The following FAM135B variants were observed in gnomAD, a reference collection of about 807,000 sequenced individuals.
FAM135B encodes protein FAM135B.
Under a neutral mutation model 127.7 loss-of-function variants are expected in FAM135B, and 43 were observed. That is an observed-to-expected ratio of 0.34 (90% CI 0.26 to 0.43). The LOEUF is 0.43. Ranked by LOEUF, FAM135B falls within the 20% of genes least tolerant of loss-of-function variation. The probability of loss-of-function intolerance (pLI) is 1.00; values close to 1 mark genes in which losing one functional copy is unlikely to be tolerated. For synonymous variants in FAM135B, 670 were observed against 665.1 expected, an observed-to-expected ratio of 1.01 and a Z score of -0.11; for missense variants, 1,558 against 1,725.6, an observed-to-expected ratio of 0.90 and a Z score of 1.72.
chr8:138,412,836 C>G (rs769375690), intron 1 of FAM135B, among the ~76,000 whole-genome samples: 39 of 152,292 alleles, frequency 2.6e-4, no homozygotes, highest in Non-Finnish European at 5.1e-4. Flanking sequence ...AGCCACCTGG[C>G]AACACTTGCA....
chr8:138,464,106 T>C (rs1837267456), intron 1 of FAM135B, among the ~76,000 whole-genome samples: 1 of 152,140 alleles, frequency 6.6e-6, no homozygotes, highest in Non-Finnish European at 1.5e-5. Context: ...GAGCCATGCA[T>C]CAGGCACTGC....
chr8:138,274,096 A>T (rs1321862721), intron 3 of FAM135B, among the ~76,000 whole-genome samples: 2 of 152,188 alleles, frequency 1.3e-5, no homozygotes, highest in South Asian at 2.1e-4. Flanking sequence ...TGTCTTACCC[A>T]TACTAGTGAA....
Position 138,153,143 on chromosome 8 carries a change from C to T in FAM135B, c.1332G>A (p.Lys444=), listed in dbSNP as rs2130792684. The stretch of plus-strand genomic sequence containing the variant: ...TGCTATTTACCATACAGTTATCTTC[C>T]TTGTCTTTCAGATTCATTATTGTAG... ...TSPTIMNLKD[K]EDNCMVNSNL... Residue 444 remains lysine (K), a synonymous_variant, in exon 13 of 20, where the codon AAG becomes AAA. Coordinates refer to ENST00000395297, the MANE Select transcript of FAM135B (RefSeq NM_015912.4). 6.2e-7 allele frequency: 1 copy of T among 1,611,314 alleles called. No homozygotes were observed. Among genetic ancestry groups the T allele is most frequent in the Non-Finnish European group, 8.5e-7 (1 of 1,177,864 alleles).
rs1195319594 is a variant in FAM135B at position 138,336,740 on chromosome 8, C to T, written c.78-25820G>A. Among the ~76,000 whole-genome samples, 6 of 152,280 alleles carry T rather than the reference C, an allele frequency of 3.9e-5. No individual in the cohort carries two copies. In the East Asian group the frequency reaches 9.6e-4, roughly 24 times the overall value. ...ACAATTAATAGAAAAAGAGGGAATC[C>T]TCCCTAACTCATTTTATGAGGCCAG... On this transcript the variant is annotated intron_variant, in intron 2 of 19. Transcript: ENST00000395297.
intron 3 of FAM135B, among the ~76,000 whole-genome samples, chr8:138,280,279 A>G (rs1824161835): frequency 6.6e-6 from 1 of 152,242 alleles, no homozygotes; most frequent in Non-Finnish European, 1.5e-5. Context: ...GCCAAGGCTT[A>G]GCCCGTTGGC....
intron 1 of FAM135B, among the ~76,000 whole-genome samples, chr8:138,419,314 C>T (rs531337021): frequency 6.6e-6 from 1 of 152,230 alleles, no homozygotes; most frequent in African/African-American, 2.4e-5. Context: ...CTTAACTATA[C>T]TAAATACATA....
At chr8:138,189,852 C>A (rs4579575) in intron 9 of FAM135B, among the ~76,000 whole-genome samples, 30,447 of 152,154 alleles carry the variant, frequency 0.2, 3,284 homozygotes, top group Admixed American at 0.3. Flanking sequence ...TAAGATAAGT[C>A]AGCAACAACA....
At chr8:138,308,562 G>T (rs541895264) in intron 3 of FAM135B, among the ~76,000 whole-genome samples, 1 of 152,234 alleles carries the variant, frequency 6.6e-6, no homozygotes, top group Admixed American at 6.5e-5. Flanking sequence ...GTGTGCTACT[G>T]TAAAGCTCAA....
intron 1 of FAM135B, among the ~76,000 whole-genome samples, chr8:138,416,950 A>G (rs1834195782): frequency 6.6e-6 from 1 of 152,156 alleles, no homozygotes; most frequent in Non-Finnish European, 1.5e-5. Context: ...CAGTCTCATC[A>G]TGGACCTCCA....
intron 12 of FAM135B, among the ~76,000 whole-genome samples, chr8:138,155,588 G>A (rs1459890827): frequency 6.6e-6 from 1 of 152,052 alleles, no homozygotes; most frequent in African/African-American, 2.4e-5. Context: ...TCAAAATAAA[G>A]GGATGGAGGA....
chr8:138,283,129 G>A (rs1489266141), intron 3 of FAM135B, among the ~76,000 whole-genome samples: 1 of 152,000 alleles, frequency 6.6e-6, no homozygotes, highest in East Asian at 1.9e-4. Context: ...TCACTCTCTT[G>A]ACCTCGTGAC....
At chr8:138,428,123 G>A (rs10101262) in intron 1 of FAM135B, among the ~76,000 whole-genome samples, 89,531 of 152,024 alleles carry the variant, frequency 0.59, 27,261 homozygotes, top group African/African-American at 0.73. Flanking sequence ...TCATCCCCTG[G>A]AATAGTACTG....
chr8:138,454,160 TAAAAAA>T (rs879661469), intron 1 of FAM135B, among the ~76,000 whole-genome samples: 1 of 146,104 alleles, frequency 6.8e-6, no homozygotes, highest in Non-Finnish European at 1.5e-5. Flanking sequence ...CTTTTAAAAT[TAAAAAA>T]AAAAAGTAAT....
At chr8:138,223,765 A>G (rs1229671481) in intron 7 of FAM135B, among the ~76,000 whole-genome samples, 2 of 152,238 alleles carry the variant, frequency 1.3e-5, no homozygotes, top group African/African-American at 4.8e-5. Context: ...TATTCACAAG[A>G]GCAAAGACAC....
At chr8:138,214,700 T>C (rs1459264677) in intron 7 of FAM135B, among the ~76,000 whole-genome samples, 1 of 151,796 alleles carries the variant, frequency 6.6e-6, no homozygotes, top group Non-Finnish European at 1.5e-5. Flanking sequence ...AAAAACCTAC[T>C]GCGGAAGGGA....
At chr8:138,294,060 T>C (rs1825309824) in intron 3 of FAM135B, among the ~76,000 whole-genome samples, 1 of 152,162 alleles carries the variant, frequency 6.6e-6, no homozygotes, top group African/African-American at 2.4e-5. Flanking sequence ...GGAATACTAC[T>C]CAGCCATAAA....
intron 2 of FAM135B, among the ~76,000 whole-genome samples, chr8:138,330,337 C>T (rs187399659): frequency 3.2e-4 from 49 of 152,102 alleles, no homozygotes; most frequent in Admixed American, 2.2e-3. Flanking sequence ...CTTTGAGTAC[C>T]GGGAAAAGCA....
intron 1 of FAM135B, among the ~76,000 whole-genome samples, chr8:138,370,839 T>C (rs1416966730): frequency 6.6e-6 from 1 of 152,206 alleles, no homozygotes; most frequent in African/African-American, 2.4e-5. Context: ...CCATTTGTCT[T>C]GGTCCCAACC....
chr8:138,176,331 A>G (rs1409484663), intron 11 of FAM135B, among the ~76,000 whole-genome samples: 3 of 152,238 alleles, frequency 2.0e-5, no homozygotes, highest in African/African-American at 7.2e-5. Flanking sequence ...TTGATATGCA[A>G]TATTTTTCTC....
Sources: allele counts gnomAD v4.1 joint callset (sites outside exome capture counted in the v4.1 genomes callset), GRCh38; gene constraint gnomAD v4.1.1; transcripts MANE v1.5; gene names NCBI Gene and HGNC (gene_info 2026-07-23, HGNC 2026-07-21).